Variants in APCDD1L observed in about 807,000 individuals in gnomAD.
APCDD1L encodes the protein APC down-regulated 1 like.
APCDD1L carries 21 observed loss-of-function variants against 24.2 expected under a neutral mutation model. The ratio of observed to expected loss-of-function variants is 0.87; its 90% confidence interval spans 0.61 to 1.25. APCDD1L has a LOEUF of 1.25. Among genes scored for constraint, APCDD1L ranks in the 50% most tolerant of loss-of-function variants. The pLI is 0.00. For synonymous variants in APCDD1L, 321 were observed against 323.6 expected, an observed-to-expected ratio of 0.99 and a Z score of 0.09; for missense variants, 704 against 711.7, an observed-to-expected ratio of 0.99 and a Z score of 0.12.
chr20:58,475,392 G>A (rs112618822), intron 1 of APCDD1L, among the ~76,000 whole-genome samples: 10 of 152,246 alleles, frequency 6.6e-5, no homozygotes, highest in South Asian at 2.1e-4. Context: ...TAAAAGTGGC[G>A]GTAGTTATCA....
At chr20:58,486,217 T>C (rs1990114989) in intron 1 of APCDD1L, among the ~76,000 whole-genome samples, 1 of 152,064 alleles carries the variant, frequency 6.6e-6, no homozygotes, top group Non-Finnish European at 1.5e-5. Context: ...AAGTAAAACA[T>C]GGAATTTAAA....
At chr20:58,468,634 C>G (rs1418476134) in intron 2 of APCDD1L, among the ~76,000 whole-genome samples, 1 of 152,174 alleles carries the variant, frequency 6.6e-6, no homozygotes, top group East Asian at 1.9e-4. Flanking sequence ...CTGGTGCAAT[C>G]TCGGCTCACC....
At chr20:58,472,390 C>T (rs6128352) in intron 1 of APCDD1L, among the ~76,000 whole-genome samples, 25 of 152,346 alleles carry the variant, frequency 1.6e-4, no homozygotes, top group East Asian at 1.5e-3. Context: ...TCAGCTTCCA[C>T]GGGGCACATG....
At chr20:58,463,894 T>TGGGGGGGGG (rs35696336) in intron 3 of APCDD1L, among the ~76,000 whole-genome samples, 1 of 52,386 alleles carries the variant, frequency 1.9e-5, no homozygotes, top group Non-Finnish European at 4.1e-5. Context: ...AGTTTTTTTT[T>TGGGGGGGGG]GGGGGGGGGG....
chr20:58,497,951 T>C lies in APCDD1L; in HGVS notation c.49+16708A>G, dbSNP rs1990355205. 6.6e-6 allele frequency among the ~76,000 whole-genome samples: 1 copy of C among 152,206 alleles called. No individual in the cohort carries two copies. The highest frequency in any genetic ancestry group is 2.1e-4 in the South Asian group (1 of 4,828). On this transcript the variant is annotated intron_variant, in intron 1 of 3. Transcript: ENST00000371149. This position sits in a 1 kb window ranked among gnomAD's most constrained non-coding sequence, Gnocchi z 4.3. ...GCAACAACCATTATCGGTTTGTGCA[T>C]CTCTCCAGATCTTTTCCTCTGGGGG... is the stretch of plus-strand genomic sequence containing the variant.
intron 1 of APCDD1L, among the ~76,000 whole-genome samples, chr20:58,496,548 G>T (rs1047647702): frequency 6.6e-6 from 1 of 152,266 alleles, no homozygotes; most frequent in Non-Finnish European, 1.5e-5. Flanking sequence ...ACAGGGGAGA[G>T]AAAGGTGGGC....
intron 1 of APCDD1L, among the ~76,000 whole-genome samples, chr20:58,477,179 C>T (rs1989925852): frequency 6.6e-6 from 1 of 152,330 alleles, no homozygotes; most frequent in African/African-American, 2.4e-5. Context: ...AGAACCAGGA[C>T]GTTAACATCA....
chr20:58,465,644 C>T (rs1027983497), intron 3 of APCDD1L, among the ~76,000 whole-genome samples: 2 of 152,176 alleles, frequency 1.3e-5, no homozygotes, highest in African/African-American at 4.8e-5. Flanking sequence ...AGAAGTTTTT[C>T]ACCTCGAATG....
chr20:58,473,236 CT>C (rs1035321894), intron 1 of APCDD1L, among the ~76,000 whole-genome samples: 72 of 151,444 alleles, frequency 4.8e-4, no homozygotes, highest in East Asian at 1.7e-3. Context: ...GAAAACAAGG[CT>C]TTTTTTTTCC....
chr20:58,503,732 C>T (rs1031169829), intron 1 of APCDD1L, among the ~76,000 whole-genome samples: 7 of 152,164 alleles, frequency 4.6e-5, no homozygotes, highest in African/African-American at 1.7e-4. Flanking sequence ...GCTAACTGTT[C>T]AGAGGGCATG....
intron 1 of APCDD1L, among the ~76,000 whole-genome samples, chr20:58,498,993 T>A (rs2123182318): frequency 6.6e-6 from 1 of 152,316 alleles, no homozygotes; most frequent in African/African-American, 2.4e-5. Context: ...TTCATTCCAA[T>A]AATGAGGACA....
At chr20:58,462,384 C>T (rs897982316) in intron 3 of APCDD1L, among the ~76,000 whole-genome samples, 2 of 152,078 alleles carry the variant, frequency 1.3e-5, no homozygotes, top group African/African-American at 4.8e-5. Flanking sequence ...GGCTTACACC[C>T]GGCTGTCTGA....
chr20:58,492,917 C>G (rs945954424), intron 1 of APCDD1L, among the ~76,000 whole-genome samples: 5 of 150,776 alleles, frequency 3.3e-5, no homozygotes, highest in Admixed American at 3.3e-4. Context: ...CAAGCATGCA[C>G]ACATGCATAC....
At chr20:58,499,659 C>T (rs1990394138) in intron 1 of APCDD1L, among the ~76,000 whole-genome samples, 1 of 152,210 alleles carries the variant, frequency 6.6e-6, no homozygotes, top group South Asian at 2.1e-4. Flanking sequence ...GGAAGGGGCT[C>T]CTGGCCCCTA....
At chr20:58,485,196 T>A (rs1294554003) in intron 1 of APCDD1L, among the ~76,000 whole-genome samples, 1 of 152,028 alleles carries the variant, frequency 6.6e-6, no homozygotes, top group African/African-American at 2.4e-5. Context: ...ACATTGGACA[T>A]CCTTTTAAAT....
intron 1 of APCDD1L, among the ~76,000 whole-genome samples, chr20:58,478,171 C>G (rs1029347725): frequency 6.6e-6 from 1 of 152,150 alleles, no homozygotes; most frequent in Non-Finnish European, 1.5e-5. Flanking sequence ...AGTACTTCCT[C>G]ATTTCCTGGT....
At chr20:58,493,508 A>G (rs1990263440) in intron 1 of APCDD1L, among the ~76,000 whole-genome samples, 1 of 152,268 alleles carries the variant, frequency 6.6e-6, no homozygotes, top group Admixed American at 6.5e-5. Flanking sequence ...ACATTGGAAT[A>G]TTATCCAGAA....
intron 1 of APCDD1L, among the ~76,000 whole-genome samples, chr20:58,502,093 C>A (rs1600876382): frequency 6.6e-6 from 1 of 152,070 alleles, no homozygotes; most frequent in African/African-American, 2.4e-5. Context: ...CTGCCATTGT[C>A]TTGTGTTTTT....
chr20:58,463,298 C>T, intron 3 of APCDD1L, among the ~76,000 whole-genome samples: 1 of 152,148 alleles, frequency 6.6e-6, no homozygotes, highest in East Asian at 1.9e-4. Flanking sequence ...CTCGGGTCTT[C>T]AGGTGCCACC....
Sources: gnomAD v4.1 joint callset for allele counts (sites outside exome capture counted in the v4.1 genomes callset) on GRCh38, gnomAD v4.1.1 for gene constraint, Gnocchi (gnomAD v3.1) non-coding constraint, MANE v1.5 for transcripts, NCBI Gene and HGNC (gene_info 2026-07-23, HGNC 2026-07-21) for gene names.